The following TNRC6A variants were observed in gnomAD, a reference collection of about 807,000 sequenced individuals.
The protein encoded by TNRC6A is trinucleotide repeat containing adaptor 6A.
A neutral mutation model predicts 221.2 loss-of-function variants in TNRC6A; 44 were observed. The observed-to-expected ratio is 0.20, with a 90% CI of 0.16 to 0.26. TNRC6A has a LOEUF of 0.26. TNRC6A is among the 10% of genes least tolerant of loss of function. TNRC6A has a pLI of 1.00. For synonymous variants in TNRC6A, 847 were observed against 838.5 expected, an observed-to-expected ratio of 1.01 and a Z score of -0.18; for missense variants, 2,199 against 2,404.4, an observed-to-expected ratio of 0.91 and a Z score of 1.79.
chr16:24,798,626 CAAACCA>C (rs1317878035), intron 11 of TNRC6A, among the ~76,000 whole-genome samples: 1 of 152,104 alleles, frequency 6.6e-6, no homozygotes, highest in Non-Finnish European at 1.5e-5. Context: ...TTCAAAGCTC[CAAACCA>C]AGACAGTAGA....
intron 2 of TNRC6A, among the ~76,000 whole-genome samples, chr16:24,747,613 A>G (rs1217490757): frequency 6.6e-6 from 1 of 152,102 alleles, no homozygotes; most frequent in Non-Finnish European, 1.5e-5. Flanking sequence ...CTGGAAGCTG[A>G]CGTGTTTGGG....
intron 11 of TNRC6A, chr16:24,803,753 TAGTC>T (rs1299652647): frequency 1.3e-5 from 2 of 155,856 alleles, no homozygotes; most frequent in East Asian, 1.9e-4. Flanking sequence ...ATACAAAAAA[TAGTC>T]AGGTGTAGTG....
At chr16:24,771,891 G>A (rs1373628572) in intron 4 of TNRC6A, among the ~76,000 whole-genome samples, 1 of 152,204 alleles carries the variant, frequency 6.6e-6, no homozygotes, top group East Asian at 1.9e-4. Context: ...CAGTCTGCAA[G>A]TGAAATCTGG....
At chr16:24,738,400 A>G (rs2151261230) in intron 2 of TNRC6A, among the ~76,000 whole-genome samples, 1 of 152,296 alleles carries the variant, frequency 6.6e-6, no homozygotes, top group African/African-American at 2.4e-5. Flanking sequence ...GTCTAATTCT[A>G]GAATTTTCAC....
chr16:24,645,621 A>G (rs553297066), intron 2 of TNRC6A, among the ~76,000 whole-genome samples: 109 of 152,104 alleles, frequency 7.2e-4, no homozygotes, highest in African/African-American at 2.4e-3. Flanking sequence ...GTAACTCTAA[A>G]GTTTGTCAAT....
intron 1 of TNRC6A, among the ~76,000 whole-genome samples, chr16:24,632,081 G>A (rs530843179): frequency 4.6e-5 from 7 of 152,108 alleles, no homozygotes; most frequent in African/African-American, 1.7e-4. Context: ...GAACTCCTGG[G>A]CTTAAATGAT....
chr16:24,814,674 A>G (rs538942205), intron 18 of TNRC6A, among the ~76,000 whole-genome samples: 3 of 151,758 alleles, frequency 2.0e-5, no homozygotes, highest in Admixed American at 2.0e-4. Context: ...CAGCCTCCCA[A>G]AGTGCTGGGA....
chr16:24,787,153 G>A (rs1011710474), intron 5 of TNRC6A, among the ~76,000 whole-genome samples: 1 of 152,176 alleles, frequency 6.6e-6, no homozygotes, highest in Non-Finnish European at 1.5e-5. Flanking sequence ...GCACTTATTT[G>A]CAGCCAGCAC....
intron 4 of TNRC6A, among the ~76,000 whole-genome samples, chr16:24,759,163 C>T (rs1881571926): frequency 6.6e-6 from 1 of 150,706 alleles, no homozygotes; most frequent in African/African-American, 2.4e-5. Flanking sequence ...CATGATGTGG[C>T]TTGCAGTGGT....
intron 1 of TNRC6A, among the ~76,000 whole-genome samples, chr16:24,616,023 T>C (rs1900325595): frequency 6.6e-6 from 1 of 151,818 alleles, no homozygotes; most frequent in African/African-American, 2.4e-5. Context: ...CAAGACCCTA[T>C]CTCTAAATTT....
At chr16:24,650,009 A>T (rs2094349522) in intron 2 of TNRC6A, among the ~76,000 whole-genome samples, 2 of 151,524 alleles carry the variant, frequency 1.3e-5, no homozygotes, top group South Asian at 4.2e-4. Flanking sequence ...TTTTTAGTAG[A>T]GATGGAGTTT....
At chr16:24,726,439 T>G (rs771433643), upstream of TNRC6A, among the ~76,000 whole-genome samples, 4 of 151,352 alleles carry the variant, frequency 2.6e-5, no homozygotes, top group Non-Finnish European at 5.9e-5. Context: ...AGCAAAGAGA[T>G]TCTCTTAAGA....
chr16:24,705,938 A>G (rs2056085420), intron 2 of TNRC6A, among the ~76,000 whole-genome samples: 1 of 152,222 alleles, frequency 6.6e-6, no homozygotes, highest in African/African-American at 2.4e-5. Flanking sequence ...ATGATTGCAT[A>G]TCTAGCCAAT....
At chr16:24,697,566 TCCCAG>T (rs758774841) in intron 2 of TNRC6A, among the ~76,000 whole-genome samples, 120 of 152,190 alleles carry the variant, frequency 7.9e-4, no homozygotes, top group Non-Finnish European at 1.4e-3. Flanking sequence ...GCACCTGTAG[TCCCAG>T]CTACTTAGGA....
intron 18 of TNRC6A, among the ~76,000 whole-genome samples, chr16:24,811,933 G>A (rs985841303): frequency 2.0e-5 from 3 of 147,818 alleles, no homozygotes; most frequent in South Asian, 2.2e-4. Context: ...TAAAATTGTC[G>A]TGTAATAGAA....
chr16:24,687,652 G>A (rs1251430691), intron 2 of TNRC6A, among the ~76,000 whole-genome samples: 1 of 152,084 alleles, frequency 6.6e-6, no homozygotes, highest in East Asian at 1.9e-4. Flanking sequence ...TTAAAAATTA[G>A]CTGGGTGAGG....
At chr16:24,813,204 A>C (rs1361386469) in intron 18 of TNRC6A, among the ~76,000 whole-genome samples, 1 of 152,052 alleles carries the variant, frequency 6.6e-6, no homozygotes. Flanking sequence ...CAGGGGGTAC[A>C]AGTTCATGTT....
At chr16:24,798,517 G>T (rs1266008453) in intron 11 of TNRC6A, among the ~76,000 whole-genome samples, 3 of 152,190 alleles carry the variant, frequency 2.0e-5, no homozygotes, top group Non-Finnish European at 2.9e-5. Flanking sequence ...CTTGATTATA[G>T]ATTGAAAATA....
chr16:24,639,385 T>G (rs1901809854), intron 1 of TNRC6A, among the ~76,000 whole-genome samples: 1 of 152,044 alleles, frequency 6.6e-6, no homozygotes, highest in Non-Finnish European at 1.5e-5. Flanking sequence ...CCCAGCCACT[T>G]AGGAAGCTGA....
Sources: gnomAD v4.1 joint callset for allele counts (sites outside exome capture counted in the v4.1 genomes callset) on GRCh38, gnomAD v4.1.1 for gene constraint, MANE v1.5 for transcripts, NCBI Gene and HGNC (gene_info 2026-07-23, HGNC 2026-07-21) for gene names.